The following HIBADH variants were observed in gnomAD, a reference collection of about 807,000 sequenced individuals.
HIBADH encodes the protein 3-hydroxyisobutyrate dehydrogenase, mitochondrial.
In HIBADH, 25 loss-of-function variants were observed where a neutral mutation model predicts 36.1. That is an observed-to-expected ratio of 0.69 (90% CI 0.50 to 0.97). The LOEUF (loss-of-function observed/expected upper bound fraction) is 0.97, where lower values mean the gene tolerates loss of function less well. Among genes scored for constraint, HIBADH ranks in the 50% least tolerant of loss-of-function variants. The pLI, the probability that HIBADH is intolerant of heterozygous loss-of-function variation, is 0.00. For missense variants in HIBADH, 421 were observed against 418.0 expected, an observed-to-expected ratio of 1.01 and a Z score of -0.06; for synonymous variants, 160 against 149.5, an observed-to-expected ratio of 1.07 and a Z score of -0.51.
At chr7:27,554,079 G>A (rs1017428250) in intron 4 of HIBADH, among the ~76,000 whole-genome samples, 5 of 152,226 alleles carry the variant, frequency 3.3e-5, no homozygotes, top group Non-Finnish European at 5.9e-5. Context: ...TCCACCTCCC[G>A]GGTTCAAGTG....
At chr7:27,562,861 T>G (rs1467255333) in intron 4 of HIBADH, among the ~76,000 whole-genome samples, 1 of 152,250 alleles carries the variant, frequency 6.6e-6, no homozygotes, top group East Asian at 1.9e-4. Flanking sequence ...TGTTAAATTT[T>G]ATCAGTCTTT....
intron 4 of HIBADH, among the ~76,000 whole-genome samples, chr7:27,605,147 T>C (rs1156810226): frequency 6.6e-6 from 1 of 152,114 alleles, no homozygotes; most frequent in East Asian, 1.9e-4. Flanking sequence ...TATGGGTTCA[T>C]AAAAATAGAA....
rs1393663199 is a variant in HIBADH at position 27,568,922 on chromosome 7, T to A, written c.485-25822A>T. On this transcript the variant is annotated intron_variant, in intron 4 of 7. Coordinates refer to ENST00000265395, the MANE Select transcript of HIBADH (RefSeq NM_152740.4). The stretch of plus-strand genomic sequence containing the variant: ...TCAGCCACCTTTTTTTTTTTCCAAA[T>A]TTTTTTTTTTGTACCACACTCATCT... 1.3e-3 allele frequency among the ~76,000 whole-genome samples: 14 copies of A among 10,564 alleles called. No individual in the cohort carries two copies. The South Asian group carries it at 0.016, about 12-fold the overall frequency. The allele number at this position is 10,564 out of a possible 152,430, so 6.9% of individuals were successfully genotyped here. A position where few individuals can be genotyped will look rare whatever the true frequency, so the allele number is the denominator to read the frequency against.
intron 1 of HIBADH, among the ~76,000 whole-genome samples, chr7:27,659,703 G>A (rs964282278): frequency 2.0e-5 from 3 of 150,820 alleles, no homozygotes; most frequent in African/African-American, 7.3e-5. Context: ...GCCTGGACAA[G>A]AGAGAGAGAG....
At chr7:27,573,552 G>A (rs1784659566) in intron 4 of HIBADH, among the ~76,000 whole-genome samples, 1 of 152,094 alleles carries the variant, frequency 6.6e-6, no homozygotes, top group Non-Finnish European at 1.5e-5. Flanking sequence ...AAACAGGAGT[G>A]GAAGAAGTAT....
At position 27,564,165 on chromosome 7, in the gene HIBADH, TG is replaced by T. The variant is rs551480291; in HGVS notation, c.485-21066del. Among the ~76,000 whole-genome samples, 492 of 152,288 alleles carry T rather than the reference TG, an allele frequency of 3.2e-3. 6 individuals are homozygous for T. Among genetic ancestry groups the T allele is most frequent in the African/African-American group, 0.011 (463 of 41,568 alleles). On this transcript the variant is annotated intron_variant, in intron 4 of 7. Coordinates refer to ENST00000265395, the MANE Select transcript of HIBADH (RefSeq NM_152740.4). ...TGCCCGCCTCAGCCTCCCAAAGTGC[TG>T]GGATTACAGGCGTGAGCCACCGTGC...
At chr7:27,645,742 G>A (rs552316402) in intron 2 of HIBADH, among the ~76,000 whole-genome samples, 42 of 152,066 alleles carry the variant, frequency 2.8e-4, no homozygotes, top group African/African-American at 9.6e-4. Context: ...TGTTTACTGG[G>A]TCATTCATAT....
intron 4 of HIBADH, among the ~76,000 whole-genome samples, chr7:27,580,986 C>T (rs905628853): frequency 1.3e-5 from 2 of 152,134 alleles, no homozygotes; most frequent in African/African-American, 4.8e-5. Flanking sequence ...GAAGTTCTTT[C>T]ACGACTGTGT....
intron 1 of HIBADH, among the ~76,000 whole-genome samples, chr7:27,657,690 G>C (rs1033800742): frequency 3.3e-5 from 5 of 152,114 alleles, no homozygotes; most frequent in Non-Finnish European, 5.9e-5. Flanking sequence ...AGTATAATTA[G>C]ATGACCTGAT....
chr7:27,606,106 A>AAAAC (rs397774333), intron 4 of HIBADH, among the ~76,000 whole-genome samples: 2 of 151,578 alleles, frequency 1.3e-5, no homozygotes, highest in South Asian at 2.1e-4. Context: ...ATCATAAAAC[A>AAAAC]TTTTTTTCAT....
Position 27,662,700 on chromosome 7 carries a change from G to T in HIBADH, c.89C>A (p.Ala30Glu), listed in dbSNP as rs1786449018. ...RLRPAAGSFA[A>E]VCSRSVASKT... ...GGGAGGAGGCGTGAGGTCCTTACCCGCTGCAAAGCTGCCGGCTGCCGGCCG... is the reference window on the plus strand; with the variant it reads ...GGGAGGAGGCGTGAGGTCCTTACCCTCTGCAAAGCTGCCGGCTGCCGGCCG... Residue 30 changes from alanine to glutamate, a missense_variant and splice_region_variant, in exon 1 of 8, where the codon GCG becomes GAG. Transcript: ENST00000265395. 8 of 1,352,712 alleles carry T rather than the reference G, an allele frequency of 5.9e-6. No individual in the cohort carries two copies. The highest frequency in any genetic ancestry group is 7.7e-6 in the Non-Finnish European group (8 of 1,045,066). 83.8% of individuals were successfully genotyped at this position (1,352,712 alleles called of 1,614,324 possible).
intron 2 of HIBADH, among the ~76,000 whole-genome samples, chr7:27,643,830 TG>T (rs1786005309): frequency 6.6e-6 from 1 of 152,224 alleles, no homozygotes; most frequent in African/African-American, 2.4e-5. Context: ...ATTTTCTGGC[TG>T]GCAGCAGCAT....
At chr7:27,626,246 A>T (rs1314619854) in intron 4 of HIBADH, among the ~76,000 whole-genome samples, 5 of 152,036 alleles carry the variant, frequency 3.3e-5, no homozygotes, top group African/African-American at 1.2e-4. Context: ...TACACCTATT[A>T]TATACCCACA....
At chr7:27,662,410 C>G (rs916366490) in intron 1 of HIBADH, among the ~76,000 whole-genome samples, 4 of 152,098 alleles carry the variant, frequency 2.6e-5, no homozygotes, top group African/African-American at 9.7e-5. Context: ...GTCCCAAATA[C>G]TCTCTTCTCT....
intron 4 of HIBADH, among the ~76,000 whole-genome samples, chr7:27,561,710 C>T (rs1453738246): frequency 6.6e-6 from 1 of 152,066 alleles, no homozygotes; most frequent in Non-Finnish European, 1.5e-5. Context: ...TGAAAGGTCC[C>T]ACTGTGACAG....
intron 1 of HIBADH, among the ~76,000 whole-genome samples, chr7:27,661,729 T>C (rs2128298579): frequency 6.6e-6 from 1 of 151,854 alleles, no homozygotes; most frequent in Admixed American, 6.6e-5. Flanking sequence ...TGCTAAACGA[T>C]GCATTGTTAC....
chr7:27,539,390 T>A (rs1308150190), intron 5 of HIBADH, among the ~76,000 whole-genome samples: 1 of 151,942 alleles, frequency 6.6e-6, no homozygotes, highest in Admixed American at 6.6e-5. Context: ...AATAAATATA[T>A]CTAAGATAAT....
At chr7:27,628,290 C>T (rs578195461) in intron 4 of HIBADH, among the ~76,000 whole-genome samples, 204 of 152,006 alleles carry the variant, frequency 1.3e-3, no homozygotes, top group African/African-American at 4.7e-3. Context: ...TATAAGGTAC[C>T]TCTACAAGAT....
intron 5 of HIBADH, among the ~76,000 whole-genome samples, chr7:27,539,045 T>C (rs188636997): frequency 6.6e-6 from 1 of 152,246 alleles, no homozygotes; most frequent in East Asian, 1.9e-4. Flanking sequence ...AGAAATTTGA[T>C]CGTTAAGACT....
Sources: gnomAD v4.1 joint callset for allele counts (sites outside exome capture counted in the v4.1 genomes callset) on GRCh38, gnomAD v4.1.1 for gene constraint, MANE v1.5 for transcripts, NCBI Gene and HGNC (gene_info 2026-07-23, HGNC 2026-07-21) for gene names.